GOLGA1: variants seen among roughly 807,000 people sequenced by gnomAD.
GOLGA1 encodes the protein golgin subfamily A member 1.
GOLGA1 carries 63 observed loss-of-function variants against 119.7 expected under a neutral mutation model. The ratio of observed to expected loss-of-function variants is 0.53; its 90% CI spans 0.43 to 0.65. The LOEUF (loss-of-function observed/expected upper bound fraction) is 0.65. Ranked by LOEUF, GOLGA1 falls within the 30% of genes least tolerant of loss-of-function variation. GOLGA1 has a pLI of 0.00. For synonymous variants in GOLGA1, 318 were observed against 333.4 expected (o/e 0.95, Z 0.50); for missense variants, 798 against 912.8 (o/e 0.87, Z 1.62).
At chr9:124,905,063 T>C (rs1359676936) in intron 12 of GOLGA1, among the ~76,000 whole-genome samples, 3 of 150,988 alleles carry the variant, frequency 2.0e-5, no homozygotes, top group Non-Finnish European at 4.4e-5. Flanking sequence ...GGAGAATCGC[T>C]TGTGCCTGGG....
At chr9:124,901,075 C>G (rs10986478) in intron 12 of GOLGA1, among the ~76,000 whole-genome samples, 1 of 147,382 alleles carries the variant, frequency 6.8e-6, no homozygotes. Context: ...GGGTTCACGT[C>G]ATTCTCCTCC....
chr9:124,897,076 G>A (rs542864512), intron 15 of GOLGA1, among the ~76,000 whole-genome samples: 73 of 152,198 alleles, frequency 4.8e-4, no homozygotes, highest in Non-Finnish European at 9.0e-4. Flanking sequence ...GTTTTTTCCT[G>A]CCTCAGAGCC....
upstream of GOLGA1, chr9:124,943,597 T>C (rs1831094637): frequency 6.6e-6 from 1 of 152,216 alleles, no homozygotes. Flanking sequence ...TGTTAAAAAG[T>C]ATTTCACACC....
chr9:124,881,849 G>C lies in GOLGA1; in HGVS notation c.2071C>G (p.Arg691Gly), dbSNP rs1052870501. ...VTNNTDLTDAREINFEYLKHV... is the reference protein window; with the variant it reads ...VTNNTDLTDAGEINFEYLKHV... Reference sequence around the variant, plus strand: ...TTAAGGTACTCAAAGTTGATCTCGCGGGCATCTGTCAGGTCAGTGTTATTC... The same window carrying C: ...TTAAGGTACTCAAAGTTGATCTCGCCGGCATCTGTCAGGTCAGTGTTATTC... Residue 691 changes from arginine (R) to glycine (G), a missense_variant, in exon 21 of 23, where the codon CGC (arginine) becomes GGC (glycine). By Grantham distance (125) the Arg-to-Gly change is moderately radical. Transcript: ENST00000373555. The surrounding 1 kb of genome is among the most constrained non-coding windows in gnomAD (Gnocchi z 4.9). 2.4e-5 allele frequency: 38 copies of C among 1,612,960 alleles called. No homozygotes were observed. The highest frequency in any genetic ancestry group is 3.2e-5 in the Non-Finnish European group (38 of 1,179,174).
At chr9:124,889,922 G>A (rs1205127504) in intron 16 of GOLGA1, among the ~76,000 whole-genome samples, 2 of 152,194 alleles carry the variant, frequency 1.3e-5, no homozygotes, top group Non-Finnish European at 2.9e-5. Context: ...GAAGGCTAGA[G>A]TCCTCATCAG....
chr9:124,931,439 A>T (rs375197745), intron 3 of GOLGA1, 33 bp from the exon 4 acceptor site: 22 of 1,017,462 alleles, frequency 2.2e-5, no homozygotes, highest in Non-Finnish European at 3.4e-5. Context: ...GGTCGTATTC[A>T]TATATGTGTG....
Position 124,881,776 on chromosome 9 carries a change from C to T in GOLGA1, c.2136+8G>A. 6.2e-7 allele frequency: 1 copy of T among 1,601,908 alleles called. No homozygotes were observed. On this transcript the variant is annotated splice_region_variant and intron_variant, in intron 21 of 22. Transcript: ENST00000373555. The surrounding 1 kb of genome is among the most constrained non-coding windows in gnomAD (Gnocchi z 4.9). ...CAATACCCAAAAGACACCTCAAAAG[C>T]CCTTTACCTCGGATTCGCGACAAGA...
chr9:124,929,554 G>C (rs1168872595), intron 4 of GOLGA1, among the ~76,000 whole-genome samples: 2 of 152,192 alleles, frequency 1.3e-5, no homozygotes, highest in Non-Finnish European at 1.5e-5. Flanking sequence ...ATTAGGCTTA[G>C]CCTGGTGATC....
chr9:124,912,266 A>T (rs1830355833), intron 10 of GOLGA1, among the ~76,000 whole-genome samples: 1 of 152,152 alleles, frequency 6.6e-6, no homozygotes, highest in Non-Finnish European at 1.5e-5. Flanking sequence ...CAATTAAACA[A>T]CTGACAGTCT....
At chr9:124,923,395 C>T (rs1270588981) in intron 7 of GOLGA1, among the ~76,000 whole-genome samples, 172 bp from the exon 8 acceptor site, 1 of 151,982 alleles carries the variant, frequency 6.6e-6, no homozygotes, top group Admixed American at 6.6e-5. Flanking sequence ...CCTTGGCCTC[C>T]CAAAGTGCTA....
At chr9:124,916,128 A>AATAAATAAATAAATAC (rs1315476777) in intron 10 of GOLGA1, among the ~76,000 whole-genome samples, 10 of 151,032 alleles carry the variant, frequency 6.6e-5, no homozygotes, top group African/African-American at 2.2e-4. Context: ...TAAATAAATA[A>AATAAATAAATAAATAC]ATACATAAAT....
chr9:124,947,849 A>G (rs1198255069), intron 1 of GOLGA1: 1 of 152,194 alleles, frequency 6.6e-6, no homozygotes, highest in African/African-American at 2.4e-5. Context: ...ATTCATATCA[A>G]ATCTTTTACT....
At chr9:124,912,068 T>TCTTC (rs1564335483) in intron 10 of GOLGA1, 42 bp from the exon 11 acceptor site, 9 of 1,582,506 alleles carry the variant, frequency 5.7e-6, no homozygotes, top group Non-Finnish European at 7.8e-6. Context: ...AGAAGCCCTC[T>TCTTC]CTTCCTTCCT....
At chr9:124,939,901 AAAGT>A (rs1488478437) in intron 2 of GOLGA1, among the ~76,000 whole-genome samples, 1 of 152,140 alleles carries the variant, frequency 6.6e-6, no homozygotes, top group African/African-American at 2.4e-5. Context: ...CATGATATTC[AAAGT>A]AAGATTCAAA....
chr9:124,898,989 C>T (rs1267282051), intron 14 of GOLGA1, among the ~76,000 whole-genome samples: 1 of 151,864 alleles, frequency 6.6e-6, no homozygotes, highest in African/African-American at 2.4e-5. Context: ...TGAGCCTAGG[C>T]GTTCAAGACC....
chr9:124,905,119 T>C (rs1040335647), intron 12 of GOLGA1, among the ~76,000 whole-genome samples: 5 of 149,520 alleles, frequency 3.3e-5, no homozygotes, highest in African/African-American at 1.2e-4. Flanking sequence ...ACACTACAGC[T>C]TGGGTGATAC....
chr9:124,904,637 C>T (rs542003052), intron 12 of GOLGA1, among the ~76,000 whole-genome samples: 95 of 151,156 alleles, frequency 6.3e-4, no homozygotes, highest in African/African-American at 2.2e-3. Context: ...GGTGAAACCC[C>T]GTCTCCACTA....
At chr9:124,922,476 G>C (rs760374283) in intron 8 of GOLGA1, among the ~76,000 whole-genome samples, 38 of 150,880 alleles carry the variant, frequency 2.5e-4, no homozygotes, top group Non-Finnish European at 3.2e-4. Context: ...CCTTGAGTCT[G>C]GGAGGTCGAG....
chr9:124,926,667 A>G, intron 7 of GOLGA1, 42 bp downstream of exon 7: 1 of 1,352,402 alleles, frequency 7.4e-7, no homozygotes, highest in Non-Finnish European at 1.1e-6. Flanking sequence ...TACCCCAGAG[A>G]CGAGACCAAC....
Sources: allele counts gnomAD v4.1 joint callset (sites outside exome capture counted in the v4.1 genomes callset), GRCh38; gene constraint gnomAD v4.1.1; non-coding constraint Gnocchi (gnomAD v3.1); transcripts MANE v1.5; gene names NCBI Gene and HGNC (gene_info 2026-07-23, HGNC 2026-07-21).